The following TAFA2 variants were observed in gnomAD, a reference collection of about 807,000 sequenced individuals.
TAFA2 encodes chemokine-like protein TAFA-2.
A neutral mutation model predicts 18.8 loss-of-function variants in TAFA2; 7 were observed. That is an observed-to-expected ratio of 0.37 (90% CI 0.21 to 0.70). The LOEUF (loss-of-function observed/expected upper bound fraction) is 0.70. Among genes scored for constraint, TAFA2 ranks in the 30% least tolerant of loss-of-function variants. TAFA2 has a pLI of 0.53. For missense variants in TAFA2, 122 were observed against 158.1 expected, an observed-to-expected ratio of 0.77 and a Z score of 1.23; for synonymous variants, 60 against 54.2, an observed-to-expected ratio of 1.11 and a Z score of -0.47.
intron 1 of TAFA2, among the ~76,000 whole-genome samples, chr12:62,232,270 G>A (rs1258400631): frequency 6.6e-6 from 1 of 152,034 alleles, no homozygotes; most frequent in East Asian, 1.9e-4. Flanking sequence ...CTCACACCCT[G>A]GCCAAAGCCA....
chr12:61,936,169 C>T (rs1426169251), intron 1 of TAFA2, among the ~76,000 whole-genome samples: 1 of 152,142 alleles, frequency 6.6e-6, no homozygotes, highest in Non-Finnish European at 1.5e-5. Flanking sequence ...ACAGGAATGG[C>T]TTAACATATG....
intron 1 of TAFA2, among the ~76,000 whole-genome samples, chr12:62,021,037 A>G (rs939206475): frequency 1.3e-5 from 2 of 152,186 alleles, no homozygotes; most frequent in African/African-American, 4.8e-5. Flanking sequence ...TAGTTGCAAT[A>G]GAGACAGTAT....
chr12:61,882,234 A>G (rs1875178885), intron 1 of TAFA2, among the ~76,000 whole-genome samples: 1 of 152,188 alleles, frequency 6.6e-6, no homozygotes, highest in Non-Finnish European at 1.5e-5. Context: ...AGTGGCACAT[A>G]AAGATTATAA....
At chr12:61,741,758 A>T (rs920956170) in intron 4 of TAFA2, among the ~76,000 whole-genome samples, 2 of 152,128 alleles carry the variant, frequency 1.3e-5, no homozygotes, top group East Asian at 1.9e-4. Context: ...CATAATTTTT[A>T]AAAAATCTGA....
intron 1 of TAFA2, among the ~76,000 whole-genome samples, chr12:61,959,381 C>A (rs910427844): frequency 6.6e-6 from 1 of 151,966 alleles, no homozygotes; most frequent in Non-Finnish European, 1.5e-5. Context: ...AGGTCTGCTA[C>A]TCTTCTTTTT....
chr12:61,745,117 C>T (rs1868639008), intron 4 of TAFA2, among the ~76,000 whole-genome samples: 1 of 152,044 alleles, frequency 6.6e-6, no homozygotes, highest in South Asian at 2.1e-4. Flanking sequence ...AGTCTACCTA[C>T]TCTTCTTCAG....
intron 2 of TAFA2, among the ~76,000 whole-genome samples, chr12:61,814,131 C>T (rs1310799475): frequency 6.6e-6 from 1 of 151,278 alleles, no homozygotes; most frequent in African/African-American, 2.5e-5. Context: ...ATCTCTTTTG[C>T]AGTAGAGAGC....
At chr12:61,870,353 T>C (rs557307179) in intron 1 of TAFA2, among the ~76,000 whole-genome samples, 152 of 152,332 alleles carry the variant, frequency 1.0e-3, no homozygotes, top group South Asian at 1.9e-3. Flanking sequence ...TGCCCTCCTA[T>C]GTCTGTCTTT....
At chr12:61,750,351 G>A (rs889122489) in intron 4 of TAFA2, among the ~76,000 whole-genome samples, 5 of 152,056 alleles carry the variant, frequency 3.3e-5, no homozygotes, top group African/African-American at 1.2e-4. Flanking sequence ...GAGAAATGGG[G>A]TTTGGGAAAC....
chr12:61,860,440 A>C (rs901331057), intron 2 of TAFA2, among the ~76,000 whole-genome samples: 1 of 152,206 alleles, frequency 6.6e-6, no homozygotes, highest in South Asian at 2.1e-4. Context: ...TTTGGTGTAC[A>C]TCCTAATAGC....
At chr12:61,787,246 C>A (rs1402027218) in intron 2 of TAFA2, among the ~76,000 whole-genome samples, 1 of 151,358 alleles carries the variant, frequency 6.6e-6, no homozygotes, top group Non-Finnish European at 1.5e-5. Context: ...AGAATAATGC[C>A]CTTCCCTGAC....
intron 1 of TAFA2, among the ~76,000 whole-genome samples, chr12:62,175,543 A>C (rs1011299588): frequency 6.6e-6 from 1 of 152,140 alleles, no homozygotes; most frequent in African/African-American, 2.4e-5. Context: ...GCTATTGTAT[A>C]GCTATAATAA....
At chr12:62,043,809 T>C (rs925539511) in intron 1 of TAFA2, among the ~76,000 whole-genome samples, 1 of 152,164 alleles carries the variant, frequency 6.6e-6, no homozygotes, top group African/African-American at 2.4e-5. Context: ...TCCCTACACA[T>C]TGATTGAAAC....
At chr12:62,177,062 A>G (rs533213863) in intron 1 of TAFA2, among the ~76,000 whole-genome samples, 3 of 152,236 alleles carry the variant, frequency 2.0e-5, no homozygotes, top group Admixed American at 6.5e-5. Flanking sequence ...TACTTAGCAC[A>G]GTGCCTGGCA....
intron 1 of TAFA2, among the ~76,000 whole-genome samples, chr12:62,084,409 C>T (rs1264737206): frequency 6.6e-6 from 1 of 152,140 alleles, no homozygotes; most frequent in Admixed American, 6.5e-5. Flanking sequence ...CTGAGCAGAG[C>T]AATGCAAAGT....
Position 62,233,066 on chromosome 12 carries a change from C to CTTTTTTTTTTTTTTTTTTTTTTT in TAFA2, c.-130+25674_-130+25696dup. ...TGTCCTCCCAGCAATTTCTGCATCT[C>CTTTTTTTTTTTTTTTTTTTTTTT]TTTTTTTTTTTTTTTTTTTTTTTTT... On this transcript the variant is annotated intron_variant, in intron 1 of 5. Coordinates refer to the TAFA2 transcript ENST00000551619. Among the ~76,000 whole-genome samples, 2 of 39,534 alleles carry CTTTTTTTTTTTTTTTTTTTTTTT rather than the reference C, an allele frequency of 5.1e-5. 1 individual carries two copies. The highest frequency in any genetic ancestry group is 9.1e-5 in the Non-Finnish European group (2 of 22,064). 25.9% of individuals were successfully genotyped at this position (39,534 alleles called of 152,430 possible).
intron 1 of TAFA2, among the ~76,000 whole-genome samples, chr12:62,014,928 G>A (rs1192832309): frequency 3.3e-5 from 5 of 152,022 alleles, no homozygotes; most frequent in Admixed American, 6.6e-5. Flanking sequence ...CCATTTCATC[G>A]TGGCAAATTC....
intron 2 of TAFA2, among the ~76,000 whole-genome samples, chr12:61,825,470 G>T (rs533293759): frequency 6.6e-6 from 1 of 152,208 alleles, no homozygotes; most frequent in South Asian, 2.1e-4. Flanking sequence ...AGTGAAACAG[G>T]GTATTTGAGG....
intron 3 of TAFA2, 37 bp downstream of exon 3, chr12:61,754,835 G>A (rs1209040630): frequency 6.2e-7 from 1 of 1,606,696 alleles, no homozygotes; most frequent in East Asian, 2.2e-5. Flanking sequence ...GCCATCCTTG[G>A]CTGTGCTGTT....
Sources: allele counts gnomAD v4.1 joint callset (sites outside exome capture counted in the v4.1 genomes callset), GRCh38; gene constraint gnomAD v4.1.1; transcripts MANE v1.5; gene names NCBI Gene and HGNC (gene_info 2026-07-23, HGNC 2026-07-21).